KCNN3: variants seen among roughly 807,000 people sequenced by gnomAD.
KCNN3 encodes small conductance calcium-activated potassium channel protein 3.
KCNN3 carries 16 observed loss-of-function variants against 62.9 expected under a neutral mutation model. The ratio of observed to expected loss-of-function variants is 0.25; its 90% CI spans 0.17 to 0.39. The LOEUF (loss-of-function observed/expected upper bound fraction) is 0.39. Among genes scored for constraint, KCNN3 ranks in the 10% least tolerant of loss-of-function variants. The probability of loss-of-function intolerance (pLI) is 1.00; values close to 1 mark genes in which losing one functional copy is unlikely to be tolerated. For synonymous variants in KCNN3, 370 were observed against 389.2 expected (o/e 0.95, Z 0.58); for missense variants, 599 against 949.4 (o/e 0.63, Z 4.85).
chr1:154,855,472 C>T (rs1465758926), intron 1 of KCNN3, among the ~76,000 whole-genome samples: 2 of 152,112 alleles, frequency 1.3e-5, no homozygotes, highest in African/African-American at 4.8e-5. Context: ...ATTTTGTATC[C>T]ATTGTACAGT....
intron 3 of KCNN3, among the ~76,000 whole-genome samples, chr1:154,753,749 T>C (rs1647501601): frequency 6.6e-6 from 1 of 152,160 alleles, no homozygotes; most frequent in Admixed American, 6.5e-5. Flanking sequence ...GTTTTATGTT[T>C]CCCCCAGCTG....
At position 154,772,428 on chromosome 1, in the gene KCNN3, G is replaced by T. The variant is rs1427351989; in HGVS notation, c.1030-35C>A. 2 of 1,609,034 alleles carry T rather than the reference G, an allele frequency of 1.2e-6. No individual in the cohort carries two copies. The highest frequency in any genetic ancestry group is 1.7e-6 in the Non-Finnish European group (2 of 1,177,106). ...GCAGAAAGTCCATTAGTGTGGCCAG[G>T]ACCAGGAAGCCCACAGCAGGGTCCA... On this transcript the variant is annotated intron_variant, in intron 2 of 7. Coordinates refer to ENST00000271915, the MANE Select transcript of KCNN3 (RefSeq NM_002249.6). The surrounding 1 kb of genome is among the most constrained non-coding windows in gnomAD (Gnocchi z 5.6).
At chr1:154,770,752 A>T (rs75255570) in intron 3 of KCNN3, among the ~76,000 whole-genome samples, 3,030 of 152,278 alleles carry the variant, frequency 0.02, 113 homozygotes, top group African/African-American at 0.07. Flanking sequence ...CCACATGTCA[A>T]ATAGATTAAA....
At chr1:154,713,134 C>G (rs1700113053) in intron 7 of KCNN3, among the ~76,000 whole-genome samples, 1 of 152,156 alleles carries the variant, frequency 6.6e-6, no homozygotes, top group Non-Finnish European at 1.5e-5. Flanking sequence ...CACAGCCGTG[C>G]AAACTCAAGC....
chr1:154,822,173 A>T lies in KCNN3; in HGVS notation c.945T>A (p.Phe315Leu), dbSNP rs142476638. 2,424 of 1,612,426 alleles carry T rather than the reference A, an allele frequency of 1.5e-3. 7 individuals are homozygous for T. The highest frequency in any genetic ancestry group is 1.8e-3 in the Non-Finnish European group (2,170 of 1,178,382). ...TGATAAGGCATTTCAGGGCCAACGA[A>T]AACATGGAGTCCTGCAGGAACAATG... is the stretch of plus-strand genomic sequence containing the variant. ...SWGLYSKDSM[F>L]SLALKCLISL... Residue 315 changes from phenylalanine (F) to leucine (L), a missense_variant, in exon 2 of 8, where the codon TTT (phenylalanine) becomes TTA (leucine). Phe to Leu is a conservative substitution (Grantham distance 22). Coordinates refer to ENST00000271915, the MANE Select transcript of KCNN3 (RefSeq NM_002249.6).
At chr1:154,766,485 C>T (rs1648291198) in intron 3 of KCNN3, among the ~76,000 whole-genome samples, 1 of 131,136 alleles carries the variant, frequency 7.6e-6, no homozygotes, top group Non-Finnish European at 1.6e-5. Context: ...CCATGGATCA[C>T]TGTGCGTGTG....
intron 1 of KCNN3, among the ~76,000 whole-genome samples, chr1:154,836,260 C>G (rs191969752): frequency 1.3e-5 from 2 of 152,346 alleles, no homozygotes; most frequent in East Asian, 3.9e-4. Context: ...AGGACTCCCA[C>G]AGTACCCCTG....
chr1:154,831,001 A>G (rs1020396200), intron 1 of KCNN3, among the ~76,000 whole-genome samples: 8 of 152,208 alleles, frequency 5.3e-5, no homozygotes, highest in African/African-American at 1.9e-4. Flanking sequence ...TCTCTACTGC[A>G]TGCTTGCTTA....
At chr1:154,863,974 G>T (rs2101937137) in intron 1 of KCNN3, among the ~76,000 whole-genome samples, 1 of 152,340 alleles carries the variant, frequency 6.6e-6, no homozygotes, top group South Asian at 2.1e-4. Context: ...TGTCCACAAA[G>T]ATTATAAATA....
chr1:154,770,050 G>A lies in KCNN3; in HGVS notation c.1448+1925C>T, dbSNP rs370208583. ...ACAGTACCATGAAGAGTTTGGGGTCGGAACCCAAGCACATGCTTTCTCCAT... is the reference window on the plus strand; with the variant it reads ...ACAGTACCATGAAGAGTTTGGGGTCAGAACCCAAGCACATGCTTTCTCCAT... On this transcript the variant is annotated intron_variant, in intron 3 of 7. Coordinates refer to ENST00000271915, the MANE Select transcript of KCNN3 (RefSeq NM_002249.6). 5.3e-5 allele frequency among the ~76,000 whole-genome samples: 8 copies of A among 152,348 alleles called. No individual in the cohort carries two copies. In the South Asian group the frequency reaches 1.4e-3, roughly 28 times the overall value.
intron 1 of KCNN3, among the ~76,000 whole-genome samples, chr1:154,867,727 C>A (rs1003835065): frequency 6.7e-6 from 1 of 149,774 alleles, no homozygotes; most frequent in African/African-American, 2.5e-5. Flanking sequence ...GCCACCCCCC[C>A]ACCAAGCCAC....
Position 154,789,429 on chromosome 1 carries a change from A to AG in KCNN3, c.1030-17037dup, listed in dbSNP as rs373576640. ...TTGGCAGGGTGGTGGTCGGTGGGGC[A>AG]GGGGGGGGCATTATGATTCAGCCTA... On this transcript the variant is annotated intron_variant, in intron 2 of 7. Coordinates refer to ENST00000271915, the MANE Select transcript of KCNN3 (RefSeq NM_002249.6). Among the ~76,000 whole-genome samples, 41 of 148,430 alleles carry AG rather than the reference A, an allele frequency of 2.8e-4. No homozygotes were observed. The East Asian group carries it at 2.9e-3, about 11-fold the overall frequency.
intron 1 of KCNN3, among the ~76,000 whole-genome samples, chr1:154,827,537 G>A (rs189683538): frequency 1.4e-4 from 21 of 152,268 alleles, no homozygotes; most frequent in Admixed American, 5.9e-4. Context: ...GGTGGCTCAC[G>A]CCTGTAAGTC....
intron 3 of KCNN3, among the ~76,000 whole-genome samples, chr1:154,765,757 C>T (rs1205311406): frequency 6.6e-6 from 1 of 151,276 alleles, no homozygotes; most frequent in African/African-American, 2.4e-5. Context: ...CCTCCTGAGT[C>T]TACAGATGCA....
At chr1:154,793,973 G>GCA (rs1196205810) in intron 2 of KCNN3, among the ~76,000 whole-genome samples, 1 of 152,200 alleles carries the variant, frequency 6.6e-6, no homozygotes, top group Admixed American at 6.5e-5. Flanking sequence ...CCTCGAATGT[G>GCA]CACAGCACTG....
intron 1 of KCNN3, among the ~76,000 whole-genome samples, chr1:154,832,861 C>T (rs1029990532): frequency 3.3e-5 from 5 of 152,212 alleles, no homozygotes; most frequent in African/African-American, 7.2e-5. Flanking sequence ...GCTGACAAGA[C>T]GCACAACAGA....
intron 2 of KCNN3, among the ~76,000 whole-genome samples, chr1:154,806,838 G>C (rs1650190949): frequency 6.6e-6 from 1 of 152,174 alleles, no homozygotes; most frequent in Non-Finnish European, 1.5e-5. Context: ...CATAAGGCTT[G>C]GGTTTCCTGC....
rs1699912209 is a variant in KCNN3, at chr1:154,703,732, AT to A, written c.*4243del. ...GCTAATCCCATATTTCTCCCTGCTGATTTTACCACTATTTAATGTGCACTAA... is the reference window on the plus strand; with the variant it reads ...GCTAATCCCATATTTCTCCCTGCTGATTTACCACTATTTAATGTGCACTAA... On this transcript the variant is annotated 3_prime_UTR_variant, in exon 8 of 8. Transcript: ENST00000271915. 1.3e-5 allele frequency: 2 copies of A among 152,150 alleles called. No homozygotes were observed. Among genetic ancestry groups the A allele is most frequent in the African/African-American group, 4.8e-5 (2 of 41,414 alleles). 9.4% of individuals were successfully genotyped at this position (152,150 alleles called of 1,614,324 possible).
At chr1:154,733,610 A>G (rs1203042525) in intron 3 of KCNN3, among the ~76,000 whole-genome samples, 2 of 152,194 alleles carry the variant, frequency 1.3e-5, no homozygotes, top group Non-Finnish European at 2.9e-5. Context: ...GAAGCATCTC[A>G]AAGACTGGCA....
Sources: gnomAD v4.1 joint callset for allele counts (sites outside exome capture counted in the v4.1 genomes callset) on GRCh38, gnomAD v4.1.1 for gene constraint, Gnocchi (gnomAD v3.1) non-coding constraint, MANE v1.5 for transcripts, NCBI Gene and HGNC (gene_info 2026-07-23, HGNC 2026-07-21) for gene names.